OTUD7A: variants seen among roughly 807,000 people sequenced by gnomAD.
The protein encoded by OTUD7A is OTU domain-containing protein 7A.
In OTUD7A, 12 loss-of-function variants were observed where a neutral mutation model predicts 65.7. That is an observed-to-expected ratio of 0.18 (90% CI 0.12 to 0.30). The LOEUF is 0.30. OTUD7A is among the 10% of genes least tolerant of loss of function. The pLI is 1.00. For missense variants in OTUD7A, 1,148 were observed against 1,304.8 expected, an observed-to-expected ratio of 0.88 and a Z score of 1.85; for synonymous variants, 641 against 586.3, an observed-to-expected ratio of 1.09 and a Z score of -1.35.
intron 1 of OTUD7A, among the ~76,000 whole-genome samples, chr15:31,723,845 G>A (rs1893812879): frequency 1.4e-5 from 1 of 69,042 alleles, no homozygotes; most frequent in East Asian, 3.3e-4. Flanking sequence ...GACAGAGACC[G>A]CCATATTGTC....
intron 1 of OTUD7A, among the ~76,000 whole-genome samples, chr15:31,819,327 C>T (rs1400603914): frequency 6.6e-6 from 1 of 152,138 alleles, no homozygotes; most frequent in Non-Finnish European, 1.5e-5. Context: ...CTGATGAGCT[C>T]AAGAAGGCTG....
rs1566893561 is a variant in OTUD7A at position 31,511,363 on chromosome 15, C to CATATATATGTATATCTATATGTAACACAT, written c.894-7574_894-7546dup. 8.0e-4 allele frequency among the ~76,000 whole-genome samples: 4 copies of CATATATATGTATATCTATATGTAACACAT among 4,980 alleles called. 2 individuals carry two copies. The Admixed American group carries it at 0.019, about 24-fold the overall frequency. The allele number at this position is 4,980 out of a possible 152,430, so 3.3% of individuals were successfully genotyped here. A position where few individuals can be genotyped will look rare whatever the true frequency, so the allele number is the denominator to read the frequency against. ...TATATGTATATCTATATGTAACACA[C>CATATATATGTATATCTATATGTAACACAT]ATATATATGTATATCTATATGTAAC... is the stretch of plus-strand genomic sequence containing the variant. On this transcript the variant is annotated intron_variant, in intron 8 of 12. Coordinates refer to ENST00000307050, the MANE Select transcript of OTUD7A (RefSeq NM_001382637.1).
chr15:31,553,965 C>G (rs916163438), intron 5 of OTUD7A, among the ~76,000 whole-genome samples: 3 of 152,194 alleles, frequency 2.0e-5, no homozygotes, highest in Admixed American at 6.5e-5. Flanking sequence ...TCAGTGAAGC[C>G]TAAAGGACGA....
At chr15:31,519,750 C>G (rs2041913372) in intron 8 of OTUD7A, among the ~76,000 whole-genome samples, 1 of 152,106 alleles carries the variant, frequency 6.6e-6, no homozygotes, top group South Asian at 2.1e-4. Flanking sequence ...ATTAGAAAAC[C>G]ATAAAGACTC....
chr15:31,822,954 T>C (rs537556028), intron 1 of OTUD7A, among the ~76,000 whole-genome samples: 14 of 152,320 alleles, frequency 9.2e-5, no homozygotes, highest in Middle Eastern at 6.8e-3. Flanking sequence ...AGACGTATGG[T>C]TCCATGTAAA....
intron 1 of OTUD7A, among the ~76,000 whole-genome samples, chr15:31,686,199 G>C (rs1007962143): frequency 4.6e-5 from 7 of 152,248 alleles, no homozygotes; most frequent in Non-Finnish European, 7.3e-5. Flanking sequence ...CTGTGGAGAA[G>C]GAGGGGTCCT....
intron 1 of OTUD7A, among the ~76,000 whole-genome samples, chr15:31,790,662 A>T (rs999070601): frequency 6.6e-6 from 1 of 152,178 alleles, no homozygotes; most frequent in Admixed American, 6.5e-5. Flanking sequence ...TGCACCCATT[A>T]ATGAGCTGCC....
At chr15:31,768,313 T>C (rs928839350) in intron 1 of OTUD7A, 9 of 650,592 alleles carry the variant, frequency 1.4e-5, no homozygotes, top group Non-Finnish European at 2.2e-5. Context: ...CCAACTTGTA[T>C]AGCATAGAGG....
At chr15:31,566,943 T>C (rs1888895427) in intron 4 of OTUD7A, among the ~76,000 whole-genome samples, 4 of 152,218 alleles carry the variant, frequency 2.6e-5, no homozygotes, top group Admixed American at 2.6e-4. Flanking sequence ...ATGAGCCAAG[T>C]AAACCTCTTT....
intron 3 of OTUD7A, among the ~76,000 whole-genome samples, chr15:31,631,471 T>C (rs1477639424): frequency 3.9e-5 from 6 of 152,238 alleles, no homozygotes; most frequent in African/African-American, 7.2e-5. Flanking sequence ...GTTAGTCTGA[T>C]GGGTTTCCCT....
At position 31,487,634 on chromosome 15, in the gene OTUD7A, C is replaced by A; in HGVS notation, c.1172-68G>T. On this transcript the variant is annotated intron_variant, in intron 10 of 12. Coordinates refer to ENST00000307050, the MANE Select transcript of OTUD7A (RefSeq NM_001382637.1). This position sits in a 1 kb window ranked among gnomAD's most constrained non-coding sequence, Gnocchi z 6.0. ...CCCCAGGCAGGATGGCAAGGAAATT[C>A]CCAAGCCAGGTATCTGGGTGACAAA... 7.5e-7 allele frequency: 1 copy of A among 1,340,406 alleles called. No individual in the cohort carries two copies. Among genetic ancestry groups the A allele is most frequent in the Non-Finnish European group, 1.0e-6 (1 of 967,826 alleles). 83.0% of individuals were successfully genotyped at this position (1,340,406 alleles called of 1,614,324 possible).
intron 1 of OTUD7A, among the ~76,000 whole-genome samples, chr15:31,663,284 A>AC (rs1453925947): frequency 8.2e-5 from 8 of 97,014 alleles, no homozygotes; most frequent in East Asian, 6.6e-4. Flanking sequence ...CACACACACA[A>AC]GTTTTTAAAA....
chr15:31,769,720 T>C (rs1354913242), intron 1 of OTUD7A, among the ~76,000 whole-genome samples: 1 of 152,186 alleles, frequency 6.6e-6, no homozygotes, highest in Non-Finnish European at 1.5e-5. Flanking sequence ...ACATAATACA[T>C]AGCATATGAT....
At chr15:31,522,066 C>G (rs992195566) in intron 8 of OTUD7A, among the ~76,000 whole-genome samples, 2 of 152,164 alleles carry the variant, frequency 1.3e-5, no homozygotes, top group African/African-American at 4.8e-5. Context: ...TTGGTCAGTT[C>G]TAAGTTCAGG....
intron 1 of OTUD7A, among the ~76,000 whole-genome samples, chr15:31,860,872 A>ATT (rs5811669): frequency 9.2e-5 from 8 of 87,036 alleles, no homozygotes; most frequent in African/African-American, 2.5e-4. Flanking sequence ...TGCCCAGCTA[A>ATT]TTTTTTTTTT....
chr15:31,519,146 G>A (rs1198644748), intron 8 of OTUD7A, among the ~76,000 whole-genome samples: 4 of 150,618 alleles, frequency 2.7e-5, no homozygotes, highest in Non-Finnish European at 5.9e-5. Context: ...GTGTGTGCAC[G>A]CACGCGCACT....
chr15:31,530,855 G>A (rs748852664), intron 5 of OTUD7A, 47 bp from the exon 6 acceptor site: 1 of 1,518,688 alleles, frequency 6.6e-7, no homozygotes, highest in Non-Finnish European at 9.1e-7. Context: ...AAAGGAAGGG[G>A]CCACTGGGGG....
intron 1 of OTUD7A, among the ~76,000 whole-genome samples, chr15:31,867,538 A>G (rs1259679366): frequency 1.3e-5 from 2 of 152,190 alleles, no homozygotes; most frequent in African/African-American, 4.8e-5. Flanking sequence ...GTACTACCAC[A>G]CAGGGTCCCA....
chr15:31,602,632 G>T (rs965946128), intron 3 of OTUD7A, among the ~76,000 whole-genome samples: 2 of 152,052 alleles, frequency 1.3e-5, no homozygotes, highest in Non-Finnish European at 2.9e-5. Context: ...AGAAATAAAG[G>T]GTATTCAAAT....
Sources: allele counts gnomAD v4.1 joint callset (sites outside exome capture counted in the v4.1 genomes callset), GRCh38; gene constraint gnomAD v4.1.1; non-coding constraint Gnocchi (gnomAD v3.1); transcripts MANE v1.5; gene names NCBI Gene and HGNC (gene_info 2026-07-23, HGNC 2026-07-21).